The following ANKH variants were observed in gnomAD, a reference collection of about 807,000 sequenced individuals.
The protein encoded by ANKH is mineralization regulator ANKH.
In ANKH, 15 loss-of-function variants were observed where a neutral mutation model predicts 49.0. The observed-to-expected ratio is 0.31, with a 90% CI of 0.20 to 0.47. ANKH has a LOEUF of 0.47. Among genes scored for constraint, ANKH ranks in the 20% least tolerant of loss-of-function variants. The probability of loss-of-function intolerance (pLI) is 1.00; values close to 1 mark genes in which losing one functional copy is unlikely to be tolerated. For synonymous variants in ANKH, 273 were observed against 260.0 expected (o/e 1.05, Z -0.48); for missense variants, 429 against 652.0 (o/e 0.66, Z 3.72).
At chr5:14,859,347 A>G (rs913217621) in intron 1 of ANKH, among the ~76,000 whole-genome samples, 1 of 152,200 alleles carries the variant, frequency 6.6e-6, no homozygotes, top group African/African-American at 2.4e-5. Context: ...ATACATCGTA[A>G]TTCCTTTTTA....
At chr5:14,775,367 CAGTAAG>C (rs1223067849) in intron 1 of ANKH, among the ~76,000 whole-genome samples, 1 of 152,104 alleles carries the variant, frequency 6.6e-6, no homozygotes, top group Non-Finnish European at 1.5e-5. Flanking sequence ...AAATTAGGCA[CAGTAAG>C]AGTAACAACA....
chr5:14,822,738 C>T (rs973682726), intron 1 of ANKH, among the ~76,000 whole-genome samples: 1 of 152,198 alleles, frequency 6.6e-6, no homozygotes, highest in African/African-American at 2.4e-5. Flanking sequence ...TAAGAACCTG[C>T]CATTAAACAT....
chr5:14,784,571 T>C (rs1242322413), intron 1 of ANKH, among the ~76,000 whole-genome samples: 1 of 152,220 alleles, frequency 6.6e-6, no homozygotes, highest in African/African-American at 2.4e-5. Context: ...GCTACCTAGT[T>C]TGGGGAACTG....
intron 1 of ANKH, among the ~76,000 whole-genome samples, chr5:14,784,515 A>G (rs1468258883): frequency 2.0e-5 from 3 of 152,246 alleles, no homozygotes; most frequent in African/African-American, 7.2e-5. Context: ...GCAATTAAGT[A>G]GGAAAAATAA....
intron 1 of ANKH, among the ~76,000 whole-genome samples, chr5:14,819,959 A>G (rs2126585194): frequency 6.6e-6 from 1 of 151,448 alleles, no homozygotes; most frequent in Non-Finnish European, 1.5e-5. Context: ...ATCTCTAACA[A>G]CCTTTGCAAC....
chr5:14,779,134 C>T (rs1739728058), intron 1 of ANKH, among the ~76,000 whole-genome samples: 1 of 152,188 alleles, frequency 6.6e-6, no homozygotes, highest in African/African-American at 2.4e-5. Context: ...AGCTCTTCCT[C>T]ACCTCCTCCC....
At chr5:14,823,028 C>T (rs137948234) in intron 1 of ANKH, among the ~76,000 whole-genome samples, 385 of 149,084 alleles carry the variant, frequency 2.6e-3, no homozygotes, top group South Asian at 6.5e-3. Context: ...AGCCAGACTC[C>T]GTCTCAAAAA....
intron 1 of ANKH, among the ~76,000 whole-genome samples, chr5:14,815,660 T>G (rs1482554512): frequency 6.6e-6 from 1 of 152,126 alleles, no homozygotes. Flanking sequence ...TAAGGAGTAT[T>G]CTTTATGCAA....
chr5:14,796,231 G>A (rs1387034926), intron 1 of ANKH, among the ~76,000 whole-genome samples: 1 of 150,556 alleles, frequency 6.6e-6, no homozygotes, highest in Non-Finnish European at 1.5e-5. Context: ...GTTAGTCATG[G>A]AGAGTAATAG....
intron 1 of ANKH, among the ~76,000 whole-genome samples, chr5:14,859,459 C>G (rs1472312599): frequency 2.0e-5 from 3 of 152,052 alleles, no homozygotes; most frequent in Non-Finnish European, 4.4e-5. Context: ...TCAAAATGAT[C>G]AACAGTACAC....
intron 4 of ANKH, among the ~76,000 whole-genome samples, chr5:14,752,041 C>T (rs1398508422): frequency 6.6e-6 from 1 of 152,206 alleles, no homozygotes; most frequent in African/African-American, 2.4e-5. Flanking sequence ...GGTGCCATGG[C>T]TCACACCTGT....
chr5:14,750,998 AC>A, intron 5 of ANKH, 70 bp downstream of exon 5: 1 of 1,576,368 alleles, frequency 6.3e-7, no homozygotes, highest in Non-Finnish European at 8.7e-7. Flanking sequence ...TTCTCATTTT[AC>A]ATAGAGGTGG....
intron 1 of ANKH, among the ~76,000 whole-genome samples, chr5:14,851,536 T>C (rs1480564465): frequency 1.3e-5 from 2 of 152,226 alleles, no homozygotes; most frequent in East Asian, 3.8e-4. Context: ...CAAATGTGAA[T>C]TGTGCACCAG....
At chr5:14,816,550 T>C (rs1029027944) in intron 1 of ANKH, among the ~76,000 whole-genome samples, 2 of 152,192 alleles carry the variant, frequency 1.3e-5, no homozygotes, top group Non-Finnish European at 2.9e-5. Flanking sequence ...CATGATCATC[T>C]TATAAAAGCG....
At position 14,710,777 on chromosome 5, in the gene ANKH, G is replaced by GTTGA. The variant is rs142033023; in HGVS notation, c.*416_*419dup. 4.1e-3 allele frequency: 863 copies of GTTGA among 210,166 alleles called. 9 individuals are homozygous for GTTGA. Among genetic ancestry groups the GTTGA allele is most frequent in the African/African-American group, 0.019 (804 of 43,240 alleles). 13.0% of individuals were successfully genotyped at this position (210,166 alleles called of 1,614,324 possible). A position where few individuals can be genotyped will look rare whatever the true frequency, so the allele number is the denominator to read the frequency against. On this transcript the variant is annotated 3_prime_UTR_variant, in exon 12 of 12. Coordinates refer to ENST00000284268, the MANE Select transcript of ANKH (RefSeq NM_054027.6). ...ATCAAAGGAAGCCGAGTTTTAACCTGTTGATTCTTAAGAGCGATGAAGGGG... is the reference window on the plus strand; with the variant it reads ...ATCAAAGGAAGCCGAGTTTTAACCTGTTGATTGATTCTTAAGAGCGATGAAGGGG...
chr5:14,741,180 A>G (rs965033818), intron 8 of ANKH: 1 of 152,410 alleles, frequency 6.6e-6, no homozygotes, highest in African/African-American at 2.4e-5. Flanking sequence ...TATTTTATCC[A>G]TGTTTTTTGA....
chr5:14,777,728 A>G (rs1218081125), intron 1 of ANKH, among the ~76,000 whole-genome samples: 3 of 152,234 alleles, frequency 2.0e-5, no homozygotes, highest in Non-Finnish European at 4.4e-5. Context: ...GCACGGGTCC[A>G]GGTGGTAACC....
chr5:14,824,561 A>G (rs73050690), intron 1 of ANKH, among the ~76,000 whole-genome samples: 2,909 of 152,292 alleles, frequency 0.019, 70 homozygotes, highest in African/African-American at 0.053. Context: ...ATCATAATAC[A>G]AAATAAGAAG....
chr5:14,852,761 G>A (rs912037123), intron 1 of ANKH, among the ~76,000 whole-genome samples: 8 of 152,060 alleles, frequency 5.3e-5, no homozygotes, highest in African/African-American at 1.2e-4. Context: ...TGTCTTTCAC[G>A]TGCAACTGGA....
Sources: gnomAD v4.1 joint callset for allele counts (sites outside exome capture counted in the v4.1 genomes callset) on GRCh38, gnomAD v4.1.1 for gene constraint, MANE v1.5 for transcripts, NCBI Gene and HGNC (gene_info 2026-07-23, HGNC 2026-07-21) for gene names.